The following FAM135B variants were observed in gnomAD, a reference collection of about 807,000 sequenced individuals.
FAM135B encodes the protein family with sequence similarity 135 member B.
In FAM135B, 43 loss-of-function variants were observed where a neutral mutation model predicts 127.7. That is an observed-to-expected ratio of 0.34 (90% CI 0.26 to 0.43). FAM135B has a LOEUF of 0.43. Among genes scored for constraint, FAM135B ranks in the 20% least tolerant of loss-of-function variants. The pLI, the probability that FAM135B is intolerant of heterozygous loss-of-function variation, is 1.00. For missense variants in FAM135B, 1,558 were observed against 1,725.6 expected (o/e 0.90, Z 1.72); for synonymous variants, 670 against 665.1 (o/e 1.01, Z -0.11).
chr8:138,456,792 G>C (rs938313998), intron 1 of FAM135B, among the ~76,000 whole-genome samples: 8 of 152,086 alleles, frequency 5.3e-5, no homozygotes, highest in African/African-American at 1.9e-4. Context: ...ATATTGTAAG[G>C]GAAAGCAAAG....
chr8:138,266,476 T>C (rs1822930853), intron 3 of FAM135B, among the ~76,000 whole-genome samples: 1 of 152,066 alleles, frequency 6.6e-6, no homozygotes. Context: ...AAGACAAATC[T>C]ATGCAATGCT....
At chr8:138,222,202 G>A (rs1431366084) in intron 7 of FAM135B, among the ~76,000 whole-genome samples, 1 of 152,168 alleles carries the variant, frequency 6.6e-6, no homozygotes, top group African/African-American at 2.4e-5. Context: ...TAAGTAAGGA[G>A]AGAGATGCCT....
intron 12 of FAM135B, among the ~76,000 whole-genome samples, chr8:138,155,374 G>T (rs1045182995): frequency 1.3e-5 from 2 of 152,234 alleles, no homozygotes; most frequent in African/African-American, 4.8e-5. Context: ...ATGCTGGGAA[G>T]AAGCTGCATC....
chr8:138,442,238 A>ATG (rs1491120959), intron 1 of FAM135B, among the ~76,000 whole-genome samples: 2 of 23,384 alleles, frequency 8.6e-5, no homozygotes, highest in Admixed American at 5.8e-4. Context: ...TATGGACACC[A>ATG]TATATATATA....
At chr8:138,395,432 A>G (rs1832794604) in intron 1 of FAM135B, among the ~76,000 whole-genome samples, 1 of 152,102 alleles carries the variant, frequency 6.6e-6, no homozygotes, top group African/African-American at 2.4e-5. Context: ...CTATGGGGGA[A>G]AGGGAAAAAC....
chr8:138,456,633 C>A (rs1836795736), intron 1 of FAM135B, among the ~76,000 whole-genome samples: 1 of 152,152 alleles, frequency 6.6e-6, no homozygotes, highest in Non-Finnish European at 1.5e-5. Context: ...AACAATTATG[C>A]CTCCAGCTGG....
At chr8:138,258,916 G>T (rs988219898) in intron 4 of FAM135B, among the ~76,000 whole-genome samples, 1 of 151,660 alleles carries the variant, frequency 6.6e-6, no homozygotes, top group South Asian at 2.1e-4. Flanking sequence ...TTTATCTCAC[G>T]ACCAGGAAGC....
chr8:138,145,852 G>T (rs773744008), intron 15 of FAM135B, 107 bp downstream of exon 15: 1 of 624,258 alleles, frequency 1.6e-6, no homozygotes, highest in Non-Finnish European at 2.8e-6. Flanking sequence ...CTCTTTTCAA[G>T]GTCTCCTCCT....
chr8:138,394,737 T>C (rs1490093461), intron 1 of FAM135B, among the ~76,000 whole-genome samples: 1 of 152,106 alleles, frequency 6.6e-6, no homozygotes, highest in Non-Finnish European at 1.5e-5. Flanking sequence ...CCTACTTTAC[T>C]GAAGACACAG....
At chr8:138,426,132 G>GTATATA (rs1405262202) in intron 1 of FAM135B, among the ~76,000 whole-genome samples, 2 of 131,100 alleles carry the variant, frequency 1.5e-5, no homozygotes, top group African/African-American at 6.4e-5. Context: ...GTGTGTGTGT[G>GTATATA]TGTGTGTATA....
chr8:138,217,395 TC>T (rs1818628621), intron 7 of FAM135B, among the ~76,000 whole-genome samples: 1 of 151,956 alleles, frequency 6.6e-6, no homozygotes, highest in African/African-American at 2.4e-5. Context: ...CCTCTAGCCT[TC>T]CATGTGAGGC....
At chr8:138,404,395 T>A (rs1033222085) in intron 1 of FAM135B, among the ~76,000 whole-genome samples, 8 of 152,208 alleles carry the variant, frequency 5.3e-5, no homozygotes, top group African/African-American at 1.9e-4. Context: ...TGTTGATGGC[T>A]GCTGACTGAT....
At chr8:138,355,009 C>T (rs969599193) in intron 2 of FAM135B, among the ~76,000 whole-genome samples, 1 of 152,106 alleles carries the variant, frequency 6.6e-6, no homozygotes, top group Non-Finnish European at 1.5e-5. Flanking sequence ...ATCCCTCCCC[C>T]TTCCTCCCAC....
chr8:138,448,367 A>G (rs1399423554), intron 1 of FAM135B, among the ~76,000 whole-genome samples: 1 of 152,110 alleles, frequency 6.6e-6, no homozygotes, highest in Admixed American at 6.5e-5. Flanking sequence ...GAACAGAAAG[A>G]CTGCCCCTTC....
intron 3 of FAM135B, among the ~76,000 whole-genome samples, chr8:138,282,438 G>A (rs1824334634): frequency 2.0e-5 from 3 of 152,108 alleles, no homozygotes; most frequent in Admixed American, 6.5e-5. Flanking sequence ...ATTTGATAAT[G>A]GAATGTTATC....
chr8:138,479,927 T>C (rs1392086733), intron 1 of FAM135B, among the ~76,000 whole-genome samples: 4 of 152,200 alleles, frequency 2.6e-5, no homozygotes, highest in African/African-American at 9.6e-5. Flanking sequence ...TACCTCCTGA[T>C]GTTTATCCCC....
chr8:138,300,317 C>A (rs1825794743), intron 3 of FAM135B, among the ~76,000 whole-genome samples: 1 of 151,984 alleles, frequency 6.6e-6, no homozygotes, highest in Non-Finnish European at 1.5e-5. Context: ...GAGCCTGTGG[C>A]CTAGCCAAGG....
Position 138,251,028 on chromosome 8 carries a change from A to G in FAM135B, c.369-14T>C. 6.2e-7 allele frequency: 1 copy of G among 1,613,512 alleles called. No individual in the cohort carries two copies. The highest frequency in any genetic ancestry group is 1.3e-5 in the African/African-American group (1 of 75,040). On this transcript the variant is annotated splice_polypyrimidine_tract_variant and intron_variant, in intron 5 of 19. Transcript: ENST00000395297. ...ACATCCCTCAACCTAGAAGGCAAGC[A>G]TGTGAGCTCACGTGAGAAATGGTGG...
intron 5 of FAM135B, 62 bp from the exon 6 acceptor site, chr8:138,251,076 C>A (rs761004709): frequency 3.1e-6 from 5 of 1,591,476 alleles, no homozygotes; most frequent in Non-Finnish European, 4.3e-6. Context: ...GTCCTCCTAG[C>A]ATGTCTGTAT....
Sources: gnomAD v4.1 joint callset for allele counts (sites outside exome capture counted in the v4.1 genomes callset) on GRCh38, gnomAD v4.1.1 for gene constraint, MANE v1.5 for transcripts, NCBI Gene and HGNC (gene_info 2026-07-23, HGNC 2026-07-21) for gene names.